Variants in ZNF678 observed in about 807,000 individuals in gnomAD.
ZNF678 encodes zinc finger protein 678, also known as hypothetical protein MGC42493.
Under a neutral mutation model 3.0 loss-of-function variants are expected in ZNF678, and 5 were observed. The ratio of observed to expected loss-of-function variants is 1.69; its 90% CI spans 0.88 to 3.56. The LOEUF is 3.56. Among genes scored for constraint, ZNF678 ranks in the 30% most tolerant of loss-of-function variants. The pLI is 0.00. For missense variants in ZNF678, 593 were observed against 605.0 expected (o/e 0.98, Z 0.21); for synonymous variants, 218 against 199.6 (o/e 1.09, Z -0.78).
At chr1:227,663,153 A>T (rs895975813), downstream of ZNF678, among the ~76,000 whole-genome samples, 4 of 152,222 alleles carry the variant, frequency 2.6e-5, no homozygotes, top group African/African-American at 9.6e-5. Context: ...CCCCAGCCAT[A>T]GCTTGATGTC....
intron 1 of ZNF678, chr1:227,598,926 C>G (rs1431823895): frequency 2.6e-6 from 2 of 757,614 alleles, no homozygotes; most frequent in African/African-American, 3.4e-5. Context: ...TTCTCCCTGT[C>G]TCTTTCTAGT....
chr1:227,679,364 T>C (rs1659730849), downstream of ZNF678, among the ~76,000 whole-genome samples: 1 of 152,094 alleles, frequency 6.6e-6, no homozygotes, highest in African/African-American at 2.4e-5. Context: ...CCCAGCGCTG[T>C]GCCCTGGGCC....
intron 1 of ZNF678, among the ~76,000 whole-genome samples, chr1:227,633,469 C>T (rs1286035509): frequency 6.6e-6 from 1 of 152,178 alleles, no homozygotes; most frequent in African/African-American, 2.4e-5. Flanking sequence ...GAGTTACAAG[C>T]CCCGTGTTTA....
At position 227,655,346 on chromosome 1, in the gene ZNF678, C is replaced by T. The variant is rs1030433561; in HGVS notation, c.1096C>T (p.Gln366Ter). ...RTFTQFSNLT[Q>*]HKRIHTGEKP... ...CTTTACTCAATTCTCAAACCTCACT[C>T]AGCATAAAAGAATTCATACTGGAGA... The change falls in exon 4 of 4, where the codon CAG (glutamine) becomes TAG (stop). Residue 366 changes from glutamine to a stop codon, truncating the protein, a stop_gained. Transcript: ENST00000343776. LOFTEE classifies it low-confidence loss of function (END_TRUNC). 2 of 1,610,170 alleles carry T rather than the reference C, an allele frequency of 1.2e-6. No individual in the cohort carries two copies. Among genetic ancestry groups the T allele is most frequent in the Non-Finnish European group, 1.7e-6 (2 of 1,178,620 alleles).
At chr1:227,650,886 G>A (rs1188064477) in intron 2 of ZNF678, 70 bp from the exon 3 acceptor site, 2 of 1,211,918 alleles carry the variant, frequency 1.7e-6, no homozygotes, top group African/African-American at 1.5e-5. Flanking sequence ...ACAAACAGCA[G>A]TATTTTTACT....
chr1:227,677,926 T>C (rs1659711545), downstream of ZNF678, among the ~76,000 whole-genome samples: 1 of 152,184 alleles, frequency 6.6e-6, no homozygotes, highest in Non-Finnish European at 1.5e-5. Context: ...CTCATCACCA[T>C]TGACAATCCA....
chr1:227,592,060 A>G (rs1319337034), intron 1 of ZNF678, among the ~76,000 whole-genome samples: 2 of 152,130 alleles, frequency 1.3e-5, no homozygotes, highest in Non-Finnish European at 2.9e-5. Flanking sequence ...CTGGATGTTT[A>G]AGGATGGTCT....
At chr1:227,662,473 TC>T (rs1659432478), downstream of ZNF678, 1 of 152,248 alleles carries the variant, frequency 6.6e-6, no homozygotes, top group Non-Finnish European at 1.5e-5. Flanking sequence ...ATACTTGTTT[TC>T]TTTAACATTA....
At chr1:227,581,746 A>C (rs1017382649) in intron 1 of ZNF678, among the ~76,000 whole-genome samples, 2 of 152,208 alleles carry the variant, frequency 1.3e-5, no homozygotes, top group African/African-American at 4.8e-5. Context: ...TTTGTTGCCA[A>C]GGTAGTCACA....
chr1:227,626,775 G>A (rs1043220880), intron 1 of ZNF678, among the ~76,000 whole-genome samples: 14 of 151,938 alleles, frequency 9.2e-5, no homozygotes, highest in African/African-American at 2.7e-4. Context: ...TGTGGCCTCC[G>A]GGCTCAGTGT....
At chr1:227,598,064 TCA>T (rs1469634252) in intron 1 of ZNF678, among the ~76,000 whole-genome samples, 1 of 152,146 alleles carries the variant, frequency 6.6e-6, no homozygotes, top group East Asian at 1.9e-4. Context: ...TTAACTAGAG[TCA>T]TCTGGTCATT....
intron 1 of ZNF678, among the ~76,000 whole-genome samples, chr1:227,645,739 T>C (rs2102796007): frequency 6.6e-6 from 1 of 152,382 alleles, no homozygotes; most frequent in African/African-American, 2.4e-5. Context: ...TCTTGACCTA[T>C]GCTATCATAG....
At chr1:227,673,607 G>T (rs1378722641) in intron 5 of ZNF678, among the ~76,000 whole-genome samples, 1 of 152,180 alleles carries the variant, frequency 6.6e-6, no homozygotes, top group Non-Finnish European at 1.5e-5. Context: ...AGCATTCTAT[G>T]AATTACTGTG....
chr1:227,575,576 T>C (rs1385740801), intron 1 of ZNF678, among the ~76,000 whole-genome samples: 2 of 152,172 alleles, frequency 1.3e-5, no homozygotes, highest in Admixed American at 6.5e-5. Flanking sequence ...ATGTTAGTTA[T>C]ATTCACACGT....
intron 1 of ZNF678, among the ~76,000 whole-genome samples, chr1:227,592,496 G>T (rs537654186): frequency 3.9e-5 from 6 of 152,210 alleles, no homozygotes; most frequent in Non-Finnish European, 8.8e-5. Context: ...TGACACATAG[G>T]GTGTAAAGGG....
chr1:227,654,308 A>G, intron 3 of ZNF678, 28 bp from the exon 4 acceptor site: 1 of 1,476,236 alleles, frequency 6.8e-7, no homozygotes, highest in Non-Finnish European at 9.0e-7. Flanking sequence ...TAGTAAGAAG[A>G]ATAACTTTTT....
Position 227,654,335 on chromosome 1 carries a change from G to C in ZNF678, c.86-1G>C. 1 of 1,501,392 alleles carries C rather than the reference G, an allele frequency of 6.7e-7. No individual in the cohort carries two copies. The highest frequency in any genetic ancestry group is 8.9e-7 in the Non-Finnish European group (1 of 1,128,506). 93.0% of individuals were successfully genotyped at this position (1,501,392 alleles called of 1,614,324 possible). A position where few individuals can be genotyped will look rare whatever the true frequency, so the allele number is the denominator to read the frequency against. On this transcript the variant is annotated splice_acceptor_variant, in intron 3 of 3. Transcript: ENST00000343776. LOFTEE classifies it high-confidence loss of function. ...TAACTTTTTATTTTTATTTCTTTCA[G>C]CTATTTTATCTTATTCCATTCAAGA...
At chr1:227,595,457 C>A (rs1051436998) in intron 1 of ZNF678, among the ~76,000 whole-genome samples, 3 of 152,170 alleles carry the variant, frequency 2.0e-5, no homozygotes, top group African/African-American at 7.2e-5. Context: ...GATGGCCAAT[C>A]CACCTCTAAT....
chr1:227,609,803 G>T (rs926201070), intron 1 of ZNF678, among the ~76,000 whole-genome samples: 3 of 151,302 alleles, frequency 2.0e-5, no homozygotes, highest in Non-Finnish European at 4.4e-5. Flanking sequence ...GCAAGATCTC[G>T]GCTCACTGCA....
Sources: allele counts gnomAD v4.1 joint callset (sites outside exome capture counted in the v4.1 genomes callset), GRCh38; gene constraint gnomAD v4.1.1; transcripts MANE v1.5; gene names NCBI Gene and HGNC (gene_info 2026-07-23, HGNC 2026-07-21).